NAA20: variants seen among roughly 807,000 people sequenced by gnomAD.
The protein encoded by NAA20 is N-alpha-acetyltransferase 20, NatB catalytic subunit.
In NAA20, 24 loss-of-function variants were observed where a neutral mutation model predicts 23.8. The observed-to-expected ratio is 1.01, with a 90% CI of 0.73 to 1.42. The LOEUF (loss-of-function observed/expected upper bound fraction) is 1.42, where lower values mean the gene tolerates loss of function less well. NAA20 is among the 40% of genes most tolerant of loss of function. The pLI is 0.00. For missense variants in NAA20, 166 were observed against 223.1 expected (o/e 0.74, Z 1.63); for synonymous variants, 83 against 77.7 (o/e 1.07, Z -0.36).
intron 4 of NAA20, among the ~76,000 whole-genome samples, chr20:20,031,739 CAGA>C (rs1187288617): frequency 6.6e-6 from 1 of 152,112 alleles, no homozygotes; most frequent in Non-Finnish European, 1.5e-5. Context: ...AAGTACTATA[CAGA>C]AGGAGAAATC....
At chr20:20,022,588 G>A in intron 2 of NAA20, 108 bp downstream of exon 2, 1 of 962,098 alleles carries the variant, frequency 1.0e-6, no homozygotes, top group Non-Finnish European at 1.5e-6. Flanking sequence ...AAAACTTGTA[G>A]GTCAGGAAAC....
intron 1 of NAA20, among the ~76,000 whole-genome samples, chr20:20,019,338 C>T (rs200174): frequency 0.05 from 7,610 of 152,166 alleles, 600 homozygotes; most frequent in African/African-American, 0.17. Context: ...GGCCCAGAGA[C>T]GATGACTTGA....
chr20:20,028,899 C>G (rs761878429), intron 4 of NAA20, among the ~76,000 whole-genome samples: 3 of 152,152 alleles, frequency 2.0e-5, no homozygotes, highest in Non-Finnish European at 2.9e-5. Flanking sequence ...GTAATTACAA[C>G]AGTAAACGTT....
At position 20,032,544 on chromosome 20, in the gene NAA20, A is replaced by G. The variant is rs1276768507; in HGVS notation, c.342A>G (p.Val114=). The change falls in exon 5 of 6, where the codon GTA becomes GTG. Residue 114 remains valine (V), a synonymous_variant. Coordinates refer to ENST00000334982, the MANE Select transcript of NAA20 (RefSeq NM_016100.5). ...GGFFVDLFVR[V]SNQVAVNMYK... The stretch of plus-strand genomic sequence containing the variant: ...TTTTTGTGGATCTCTTTGTAAGAGT[A>G]TCTAACCAAGTTGCAGTTAACATGT... 3.7e-6 allele frequency: 6 copies of G among 1,613,434 alleles called. No homozygotes were observed. Among genetic ancestry groups the G allele is most frequent in the South Asian group, 3.3e-5 (3 of 91,012 alleles).
At chr20:20,033,081 T>TA in intron 5 of NAA20, 21 bp from the exon 6 acceptor site, 1 of 1,574,020 alleles carries the variant, frequency 6.4e-7, no homozygotes. Flanking sequence ...GGTGTTTATA[T>TA]TAAACTTTGC....
At chr20:20,032,689 C>A in intron 5 of NAA20, 36 bp downstream of exon 5, 1 of 1,531,942 alleles carries the variant, frequency 6.5e-7, no homozygotes, top group South Asian at 1.3e-5. Context: ...CCCAAGAAGT[C>A]GAAACAGTTA....
At chr20:20,018,178 A>C in intron 1 of NAA20, 1 of 1,288,320 alleles carries the variant, frequency 7.8e-7, no homozygotes, top group Admixed American at 1.7e-5. Flanking sequence ...GATTCGAGTT[A>C]AGGCCAGACC....
chr20:20,030,812 C>G (rs1043838278), intron 4 of NAA20, among the ~76,000 whole-genome samples: 8 of 151,750 alleles, frequency 5.3e-5, no homozygotes, highest in Non-Finnish European at 1.0e-4. Flanking sequence ...AAAAGGTAGG[C>G]AAGGTTGTTG....
At chr20:20,033,063 A>G (rs2146471509) in intron 5 of NAA20, 39 bp from the exon 6 acceptor site, 1 of 1,457,262 alleles carries the variant, frequency 6.9e-7, no homozygotes. Context: ...GATATAATAC[A>G]TTTTTTGGGT....
At chr20:20,017,533 C>G in intron 1 of NAA20, 84 bp downstream of exon 1, 1 of 1,510,198 alleles carries the variant, frequency 6.6e-7, no homozygotes, top group Non-Finnish European at 8.9e-7. Context: ...GCCGCGCCTT[C>G]CCGGCCGGAC....
chr20:20,021,766 G>C (rs975237735), intron 1 of NAA20, among the ~76,000 whole-genome samples: 1 of 152,158 alleles, frequency 6.6e-6, no homozygotes, highest in Non-Finnish European at 1.5e-5. Flanking sequence ...AAAGTAGCTG[G>C]TTTTGAACCT....
chr20:20,018,031 T>A, intron 1 of NAA20: 1 of 1,614,158 alleles, frequency 6.2e-7, no homozygotes, highest in East Asian at 2.2e-5. Context: ...GCAGATGCTG[T>A]CTCAGTCATG....
At chr20:20,018,357 A>C in intron 1 of NAA20, 2 of 435,832 alleles carry the variant, frequency 4.6e-6, no homozygotes, top group Non-Finnish European at 8.5e-6. Flanking sequence ...CTTCCCATCT[A>C]TCAGTCCTGG....
At chr20:20,021,389 A>C (rs775402969) in intron 1 of NAA20, among the ~76,000 whole-genome samples, 12 of 152,228 alleles carry the variant, frequency 7.9e-5, no homozygotes, top group Non-Finnish European at 1.8e-4. Flanking sequence ...AGCAGCAAGC[A>C]TAACAAATGC....
At chr20:20,032,265 C>T (rs1466839164) in intron 4 of NAA20, among the ~76,000 whole-genome samples, 5 of 151,546 alleles carry the variant, frequency 3.3e-5, no homozygotes, top group Non-Finnish European at 7.4e-5. Flanking sequence ...TTTAAGAAAA[C>T]GTGTTGCTTT....
At chr20:20,022,927 A>G (rs1279887464) in intron 2 of NAA20, among the ~76,000 whole-genome samples, 1 of 152,194 alleles carries the variant, frequency 6.6e-6, no homozygotes, top group Non-Finnish European at 1.5e-5. Context: ...CTTGTTCCAG[A>G]TGTTGCCACA....
intron 1 of NAA20, among the ~76,000 whole-genome samples, chr20:20,019,099 T>C (rs1210812219): frequency 6.6e-6 from 1 of 152,224 alleles, no homozygotes; most frequent in African/African-American, 2.4e-5. Context: ...CTCCTGACCC[T>C]TGAATCGGAA....
At chr20:20,020,973 G>A (rs941219922) in intron 1 of NAA20, among the ~76,000 whole-genome samples, 9 of 147,800 alleles carry the variant, frequency 6.1e-5, no homozygotes, top group African/African-American at 1.5e-4. Context: ...CCCGCACTCC[G>A]TGCCTATTGA....
At chr20:20,018,163 C>T (rs2043244434) in intron 1 of NAA20, 6 of 1,445,248 alleles carry the variant, frequency 4.2e-6, no homozygotes, top group Non-Finnish European at 5.8e-6. Context: ...GATGCAGTTT[C>T]TTTGGATTCG....
Sources: gnomAD v4.1 joint callset for allele counts (sites outside exome capture counted in the v4.1 genomes callset) on GRCh38, gnomAD v4.1.1 for gene constraint, MANE v1.5 for transcripts, NCBI Gene and HGNC (gene_info 2026-07-23, HGNC 2026-07-21) for gene names.